Variants in FAM168A observed in about 807,000 individuals in gnomAD.
The protein encoded by FAM168A is protein FAM168A.
In FAM168A, 3 loss-of-function variants were observed where a neutral mutation model predicts 28.5. That is an observed-to-expected ratio of 0.11 (90% CI 0.05 to 0.27). The LOEUF (loss-of-function observed/expected upper bound fraction) is 0.27. FAM168A is among the 10% of genes least tolerant of loss of function. The pLI is 1.00. For missense variants in FAM168A, 222 were observed against 311.5 expected (o/e 0.71, Z 2.16); for synonymous variants, 122 against 124.2 (o/e 0.98, Z 0.12).
chr11:73,430,511 G>A (rs1378600167), intron 3 of FAM168A, 179 bp downstream of exon 3: 8 of 589,304 alleles, frequency 1.4e-5, no homozygotes, highest in East Asian at 9.3e-5. Context: ...TTCTATTCCC[G>A]CCCCTACCCT....
At chr11:73,563,648 G>A (rs1943984783) in intron 1 of FAM168A, among the ~76,000 whole-genome samples, 1 of 152,166 alleles carries the variant, frequency 6.6e-6, no homozygotes, top group Non-Finnish European at 1.5e-5. Context: ...CAGAAGGGGA[G>A]ACCCAAAAGC....
At chr11:73,547,365 T>TGAGGATATG (rs1251327527) in intron 1 of FAM168A, among the ~76,000 whole-genome samples, 3 of 151,650 alleles carry the variant, frequency 2.0e-5, no homozygotes, top group Non-Finnish European at 4.4e-5. Flanking sequence ...TAAGAAGCGT[T>TGAGGATATG]GAGGATATGG....
At chr11:73,513,419 T>C (rs1164187509) in intron 1 of FAM168A, among the ~76,000 whole-genome samples, 1 of 151,246 alleles carries the variant, frequency 6.6e-6, no homozygotes, top group Non-Finnish European at 1.5e-5. Flanking sequence ...GATGTCACCA[T>C]GTTAGCCAGG....
At chr11:73,538,817 C>T (rs1943616045) in intron 1 of FAM168A, among the ~76,000 whole-genome samples, 1 of 152,174 alleles carries the variant, frequency 6.6e-6, no homozygotes, top group African/African-American at 2.4e-5. Context: ...GTCCCCAAAT[C>T]ACCTTGTAGG....
At chr11:73,503,407 A>G (rs1202873171) in intron 1 of FAM168A, among the ~76,000 whole-genome samples, 1 of 152,168 alleles carries the variant, frequency 6.6e-6, no homozygotes, top group African/African-American at 2.4e-5. Context: ...CACAATCACT[A>G]CAAAGAGAAT....
intron 1 of FAM168A, among the ~76,000 whole-genome samples, chr11:73,586,428 AATC>A (rs1436583567): frequency 6.6e-6 from 1 of 152,124 alleles, no homozygotes. Context: ...AAAAATAAAA[AATC>A]ATCATCATCA....
At chr11:73,470,567 C>T (rs916621120) in intron 1 of FAM168A, among the ~76,000 whole-genome samples, 5 of 152,080 alleles carry the variant, frequency 3.3e-5, no homozygotes, top group South Asian at 2.1e-4. Flanking sequence ...TCATGGTGGG[C>T]GTGGGTTCCT....
chr11:73,440,102 T>G (rs2134527188), intron 2 of FAM168A, among the ~76,000 whole-genome samples: 1 of 152,144 alleles, frequency 6.6e-6, no homozygotes, highest in East Asian at 1.9e-4. Flanking sequence ...GCCAGGCTGG[T>G]CTTGAACTCC....
At chr11:73,553,892 G>C (rs375988030) in intron 1 of FAM168A, among the ~76,000 whole-genome samples, 49 of 152,302 alleles carry the variant, frequency 3.2e-4, no homozygotes, top group African/African-American at 1.2e-3. Flanking sequence ...AAGAAGCTGA[G>C]GTGGGAGGAT....
chr11:73,477,979 G>A lies in FAM168A; in HGVS notation c.-18-9487C>T, dbSNP rs556432428. 3.4e-5 allele frequency among the ~76,000 whole-genome samples: 5 copies of A among 148,648 alleles called. 1 individual carries two copies. The South Asian group carries it at 1.0e-3, about 31-fold the overall frequency. On this transcript the variant is annotated intron_variant, in intron 1 of 7. Coordinates refer to ENST00000356467, the MANE Select transcript of FAM168A (RefSeq NM_015159.3). ...TAGATAGATAGATAGATAAAACAAG[G>A]TATAAATATTTTTCGTGTTAACTGG...
chr11:73,566,595 T>C (rs1369834548), intron 1 of FAM168A, among the ~76,000 whole-genome samples: 5 of 152,150 alleles, frequency 3.3e-5, no homozygotes, highest in African/African-American at 1.2e-4. Flanking sequence ...AATTTGGTGT[T>C]GGGAAGCAAC....
chr11:73,419,957 G>A lies in FAM168A; in HGVS notation c.194C>T (p.Ser65Phe). The A allele has an allele frequency of 1.2e-6, 2 of 1,613,980 alleles. No homozygotes were observed. The highest frequency in any genetic ancestry group is 1.7e-6 in the Non-Finnish European group (2 of 1,179,914). Reference protein sequence around the residue: ...MKQAWPQNSSSCGTEGTFHLP... With the variant: ...MKQAWPQNSSFCGTEGTFHLP... The stretch of plus-strand genomic sequence containing the variant: ...GTGGAAGGTGCCTTCAGTGCCACAG[G>A]AAGACGAGTTCTGTGGCCAGGCCTG... The change falls in exon 4 of 8, where the codon TCC becomes TTC. Residue 65 changes from serine (S) to phenylalanine (F), a missense_variant. This residue lies in a region of FAM168A where 153 missense variants were observed against 189.2 expected (regional missense o/e 0.81). Coordinates refer to ENST00000356467, the MANE Select transcript of FAM168A (RefSeq NM_015159.3).
rs201410690 is a variant in FAM168A at position 73,430,743 on chromosome 11, G to A, written c.98C>T (p.Ala33Val). 3.1e-4 allele frequency: 496 copies of A among 1,613,368 alleles called. No homozygotes were observed. The highest frequency in any genetic ancestry group is 4.8e-4 in the Admixed American group (29 of 59,970). ...TGYPTAYPAA[A>V]PAYNPSLYPT... ...GTACAGGCTGGGATTGTAGGCAGGG[G>A]CAGCTGCTGGATAGGCTGTGGGGTA... The change falls in exon 3 of 8, where the codon GCC (alanine) becomes GTC (valine). Residue 33 changes from alanine (A) to valine (V), a missense_variant. By Grantham distance (64) the Ala-to-Val change is moderately conservative (BLOSUM62 0). This residue lies in a region of FAM168A where 153 missense variants were observed against 189.2 expected (regional missense o/e 0.81). Transcript: ENST00000356467.
intron 1 of FAM168A, among the ~76,000 whole-genome samples, chr11:73,478,613 C>A (rs1419595824): frequency 6.6e-6 from 1 of 152,106 alleles, no homozygotes; most frequent in Non-Finnish European, 1.5e-5. Context: ...CTAAATTATA[C>A]CTCAATAAAG....
chr11:73,536,358 T>C (rs1202097132), intron 1 of FAM168A, among the ~76,000 whole-genome samples: 1 of 152,122 alleles, frequency 6.6e-6, no homozygotes, highest in Non-Finnish European at 1.5e-5. Flanking sequence ...TGGTGAATCA[T>C]ATCAGGTGAA....
chr11:73,562,701 C>A (rs1051559827), intron 1 of FAM168A, among the ~76,000 whole-genome samples: 1 of 152,060 alleles, frequency 6.6e-6, no homozygotes, highest in Non-Finnish European at 1.5e-5. Context: ...ATGGTGGGCG[C>A]CTGTAATCCC....
intron 1 of FAM168A, among the ~76,000 whole-genome samples, chr11:73,536,550 G>T (rs939542855): frequency 6.6e-6 from 1 of 152,100 alleles, no homozygotes; most frequent in African/African-American, 2.4e-5. Flanking sequence ...AGTTGGGCGT[G>T]GTGGTGCATG....
In FAM168A at chr11:73,546,732, C is replaced by CAA. The variant is rs145898219; in HGVS notation, c.-19+51189_-19+51190dup. ...GGGCAACAAGAGCGAAACTCCATCT[C>CAA]AAAAAAAAAAAAAAAAGCTAGCTGT... On this transcript the variant is annotated intron_variant, in intron 1 of 7. Coordinates refer to ENST00000356467, the MANE Select transcript of FAM168A (RefSeq NM_015159.3). Among the ~76,000 whole-genome samples, 29 of 77,320 alleles carry CAA rather than the reference C, an allele frequency of 3.8e-4. No individual in the cohort carries two copies. The East Asian group carries it at 4.0e-3, about 11-fold the overall frequency. The allele number at this position is 77,320 out of a possible 152,430, so 50.7% of individuals were successfully genotyped here. A position where few individuals can be genotyped will look rare whatever the true frequency, so the allele number is the denominator to read the frequency against.
At chr11:73,422,378 T>C (rs75073204) in intron 3 of FAM168A, among the ~76,000 whole-genome samples, 1,757 of 152,330 alleles carry the variant, frequency 0.012, 38 homozygotes, top group African/African-American at 0.04. Context: ...CGCCTCTGTA[T>C]ATTTGAATCC....
Sources: gnomAD v4.1 joint callset for allele counts (sites outside exome capture counted in the v4.1 genomes callset) on GRCh38, gnomAD v4.1.1 for gene constraint, gnomAD v4.1.1 regional missense constraint, MANE v1.5 for transcripts, NCBI Gene and HGNC (gene_info 2026-07-23, HGNC 2026-07-21) for gene names.